The following TSC1 variants were observed in gnomAD, a reference collection of about 807,000 sequenced individuals.
TSC1 encodes the protein TSC complex subunit 1.
In TSC1, 20 loss-of-function variants were observed where a neutral mutation model predicts 124.3. The observed-to-expected ratio is 0.16, with a 90% CI of 0.11 to 0.23. The LOEUF is 0.23. Among genes scored for constraint, TSC1 ranks in the 10% least tolerant of loss-of-function variants. The probability of loss-of-function intolerance (pLI) is 1.00; values close to 1 mark genes in which losing one functional copy is unlikely to be tolerated. For synonymous variants in TSC1, 493 were observed against 539.1 expected (o/e 0.91, Z 1.19); for missense variants, 1,124 against 1,448.5 (o/e 0.78, Z 3.64).
Position 132,903,357 on chromosome 9 carries a change from C to T in TSC1, c.2208+294G>A, listed in dbSNP as rs749027597. On this transcript the variant is annotated intron_variant, in intron 17 of 22. Transcript: ENST00000298552. The surrounding 1 kb of genome is among the most constrained non-coding windows in gnomAD (Gnocchi z 5.9). The stretch of plus-strand genomic sequence containing the variant: ...GCTTCAGTTTTGTGCCATGAAATAG[C>T]TTTACAAGAGTTGGTTTTACATTTG... 6.6e-6 allele frequency among the ~76,000 whole-genome samples: 1 copy of T among 152,226 alleles called. No homozygotes were observed. The highest frequency in any genetic ancestry group is 1.9e-4 in the East Asian group (1 of 5,206).
At chr9:132,936,352 C>T (rs1033899503) in intron 1 of TSC1, among the ~76,000 whole-genome samples, 12 of 152,098 alleles carry the variant, frequency 7.9e-5, no homozygotes, top group East Asian at 3.9e-4. Flanking sequence ...CCTAGCCTCA[C>T]GCAATCCTCC....
At position 132,923,925 on chromosome 9, in the gene TSC1, A is replaced by C. The variant is rs1588352031; in HGVS notation, c.364-433T>G. Among the ~76,000 whole-genome samples the C allele has an allele frequency of 6.6e-6, 1 of 152,272 alleles. No homozygotes were observed. The highest frequency in any genetic ancestry group is 1.9e-4 in the East Asian group (1 of 5,192). ...CTTTTTGTTAATTAAAAAAAAAAAAAACTGCACATTGACAAGTAACTTACT... is the reference window on the plus strand; with the variant it reads ...CTTTTTGTTAATTAAAAAAAAAAAACACTGCACATTGACAAGTAACTTACT... On this transcript the variant is annotated intron_variant, in intron 5 of 22. Transcript: ENST00000298552. The surrounding 1 kb of genome is among the most constrained non-coding windows in gnomAD (Gnocchi z 4.2).
At chr9:132,911,392 C>T (rs1845948626) in intron 10 of TSC1, 61 bp downstream of exon 10, 1 of 1,344,432 alleles carries the variant, frequency 7.4e-7, no homozygotes. Flanking sequence ...TAAATCTGAC[C>T]CAAAGGGTCA....
chr9:132,908,926 T>A (rs1301738155), intron 12 of TSC1, among the ~76,000 whole-genome samples: 2 of 148,138 alleles, frequency 1.4e-5, no homozygotes, highest in Non-Finnish European at 3.0e-5. Flanking sequence ...TTTGTGACAG[T>A]CTTGCCCTGT....
chr9:132,922,359 C>A (rs961422052), intron 6 of TSC1, among the ~76,000 whole-genome samples: 2 of 152,044 alleles, frequency 1.3e-5, no homozygotes, highest in Non-Finnish European at 1.5e-5. Context: ...GAATTCAGTA[C>A]GAGCTTCTTG....
Position 132,926,778 on chromosome 9 carries a change from G to A in TSC1, c.210+423C>T, listed in dbSNP as rs1047721471. Reference sequence around the variant, plus strand: ...CAACCTCCGCCTCCCAGGTTCAAGCGATTCTCCTGCCTCAGCTTCCTGAGT... The same window carrying A: ...CAACCTCCGCCTCCCAGGTTCAAGCAATTCTCCTGCCTCAGCTTCCTGAGT... On this transcript the variant is annotated intron_variant, in intron 4 of 22. Coordinates refer to ENST00000298552, the MANE Select transcript of TSC1 (RefSeq NM_000368.5). 5.0e-5 allele frequency: 11 copies of A among 222,186 alleles called. No individual in the cohort carries two copies. In the East Asian group the frequency reaches 8.9e-4, roughly 18 times the overall value. 13.8% of individuals were successfully genotyped at this position (222,186 alleles called of 1,614,324 possible). A position where few individuals can be genotyped will look rare whatever the true frequency, so the allele number is the denominator to read the frequency against.
intron 8 of TSC1, among the ~76,000 whole-genome samples, chr9:132,917,690 T>C (rs1304269286): frequency 6.6e-6 from 1 of 152,208 alleles, no homozygotes; most frequent in Non-Finnish European, 1.5e-5. Context: ...CTGATCATTC[T>C]AAATCTCTGT....
chr9:132,911,334 A>T, intron 10 of TSC1, 119 bp downstream of exon 10: 2 of 888,110 alleles, frequency 2.3e-6, no homozygotes, highest in Non-Finnish European at 3.9e-6. Context: ...ATGGATCCTT[A>T]AAAGTGACTC....
intron 8 of TSC1, among the ~76,000 whole-genome samples, chr9:132,919,980 T>A (rs1428086554): frequency 6.6e-6 from 1 of 152,252 alleles, no homozygotes; most frequent in Non-Finnish European, 1.5e-5. Flanking sequence ...AGAAGGATTC[T>A]GTCTGACCTA....
chr9:132,915,535 A>G (rs1846230971), intron 8 of TSC1, among the ~76,000 whole-genome samples: 1 of 152,226 alleles, frequency 6.6e-6, no homozygotes, highest in Non-Finnish European at 1.5e-5. Context: ...TAATGAACAG[A>G]ATATTTAAAA....
In TSC1 at chr9:132,902,743, C is replaced by A. The variant is rs1845453410; in HGVS notation, c.2253G>T (p.Lys751Asn). The change falls in exon 18 of 23, where the codon AAG (lysine) becomes AAT (asparagine). Residue 751 changes from lysine (K) to asparagine (N), a missense_variant. Lys to Asn is a moderately conservative substitution (Grantham distance 94, BLOSUM62 0). This residue lies in a region of TSC1 where 321 missense variants were observed against 397.4 expected (regional missense o/e 0.81). Coordinates refer to ENST00000298552, the MANE Select transcript of TSC1 (RefSeq NM_000368.5). This position sits in a 1 kb window ranked among gnomAD's most constrained non-coding sequence, Gnocchi z 5.2. ...TAGCTTGTTCTTTCTGCAGACTAAC[C>A]TTCCACATCTGGATGTCCTTCTCTT... ...KLQEKDIQMW[K>N]VSLQKEQARY... The A allele has an allele frequency of 6.2e-7, 1 of 1,614,084 alleles. No individual in the cohort carries two copies. Among genetic ancestry groups the A allele is most frequent in the Non-Finnish European group, 8.5e-7 (1 of 1,180,034 alleles).
At chr9:132,934,982 A>G (rs1193955011) in intron 2 of TSC1, 51 bp downstream of exon 2, 3 of 398,974 alleles carry the variant, frequency 7.5e-6, no homozygotes, top group Non-Finnish European at 1.3e-5. Flanking sequence ...GACCATGGGC[A>G]AGATAATTCC....
intron 1 of TSC1, among the ~76,000 whole-genome samples, chr9:132,937,920 C>T (rs750846913): frequency 2.0e-5 from 3 of 152,100 alleles, no homozygotes; most frequent in Non-Finnish European, 4.4e-5. Context: ...CTCCCTAAGT[C>T]GCCCAGGCTG....
intron 2 of TSC1, among the ~76,000 whole-genome samples, chr9:132,930,224 G>A (rs897052082): frequency 1.6e-4 from 25 of 152,070 alleles, no homozygotes; most frequent in Admixed American, 1.2e-3. Flanking sequence ...TTCTTAAAGT[G>A]AGACACAAAT....
At chr9:132,931,786 T>C (rs530325400) in intron 2 of TSC1, among the ~76,000 whole-genome samples, 1 of 152,242 alleles carries the variant, frequency 6.6e-6, no homozygotes, top group African/African-American at 2.4e-5. Flanking sequence ...GCCAGTGCAA[T>C]GAAGAATTAA....
chr9:132,904,842 G>A (rs1197811960), intron 15 of TSC1, among the ~76,000 whole-genome samples: 1 of 152,228 alleles, frequency 6.6e-6, no homozygotes, highest in Admixed American at 6.5e-5. Flanking sequence ...TATACAGGGA[G>A]TACACTCTGT....
At chr9:132,910,487 T>C in intron 12 of TSC1, 84 bp downstream of exon 12, 3 of 1,608,886 alleles carry the variant, frequency 1.9e-6, no homozygotes, top group Non-Finnish European at 2.6e-6. Flanking sequence ...GAATTCTATC[T>C]GGCATAATTA....
chr9:132,910,499 G>A, intron 12 of TSC1, 72 bp downstream of exon 12: 1 of 1,612,212 alleles, frequency 6.2e-7, no homozygotes, highest in African/African-American at 1.3e-5. Flanking sequence ...GCATAATTAG[G>A]CTTCTCAAAG....
At chr9:132,940,718 AGTGTTTGGC>A (rs1176641840) in intron 1 of TSC1, 12 of 152,258 alleles carry the variant, frequency 7.9e-5, no homozygotes, top group African/African-American at 2.9e-4. Context: ...AAAATACCAC[AGTGTTTGGC>A]ACATGAGTAC....
Sources: allele counts gnomAD v4.1 joint callset (sites outside exome capture counted in the v4.1 genomes callset), GRCh38; gene constraint gnomAD v4.1.1; regional missense constraint gnomAD v4.1.1; non-coding constraint Gnocchi (gnomAD v3.1); transcripts MANE v1.5; gene names NCBI Gene and HGNC (gene_info 2026-07-23, HGNC 2026-07-21).